Variants in ZNF618 observed in about 807,000 individuals in gnomAD.
The protein encoded by ZNF618 is zinc finger protein 618, also known as neural precursor cell expressed, developmentally down-regulated 10.
ZNF618 carries 34 observed loss-of-function variants against 103.0 expected under a neutral mutation model. The ratio of observed to expected loss-of-function variants is 0.33; its 90% CI spans 0.25 to 0.44. The LOEUF is 0.44. Ranked by LOEUF, ZNF618 falls within the 20% of genes least tolerant of loss-of-function variation. ZNF618 has a pLI of 1.00. For synonymous variants in ZNF618, 551 were observed against 542.2 expected (o/e 1.02, Z -0.23); for missense variants, 1,059 against 1,295.4 (o/e 0.82, Z 2.80).
chr9:113,914,745 G>T (rs1460572015), intron 1 of ZNF618, among the ~76,000 whole-genome samples: 1 of 152,180 alleles, frequency 6.6e-6, no homozygotes, highest in Non-Finnish European at 1.5e-5. Flanking sequence ...GGGGAAGGGA[G>T]GAGTGTTTAA....
At chr9:113,972,465 C>T (rs1434531271) in intron 2 of ZNF618, among the ~76,000 whole-genome samples, 1 of 152,048 alleles carries the variant, frequency 6.6e-6, no homozygotes, top group Non-Finnish European at 1.5e-5. Flanking sequence ...CCCAAGGCTG[C>T]CTAGGTGGAG....
intron 9 of ZNF618, among the ~76,000 whole-genome samples, chr9:114,009,789 G>A (rs747176366): frequency 3.9e-5 from 6 of 152,232 alleles, no homozygotes; most frequent in East Asian, 3.9e-4. Flanking sequence ...GGCAGAGCTC[G>A]ATCCCAGCTC....
intron 13 of ZNF618, among the ~76,000 whole-genome samples, chr9:114,038,681 A>G (rs554082007): frequency 1.3e-5 from 2 of 152,120 alleles, no homozygotes; most frequent in Non-Finnish European, 2.9e-5. Flanking sequence ...ATGCTTTGGC[A>G]GTAATAATAC....
chr9:113,997,060 C>CT (rs756563358), intron 3 of ZNF618, among the ~76,000 whole-genome samples: 1 of 132,546 alleles, frequency 7.5e-6, no homozygotes, highest in African/African-American at 2.6e-5. Context: ...CTCTCTCTTT[C>CT]TTTTTTTTTT....
chr9:113,970,188 A>G (rs1258998242), intron 2 of ZNF618, among the ~76,000 whole-genome samples: 3 of 152,098 alleles, frequency 2.0e-5, no homozygotes, highest in African/African-American at 7.2e-5. Context: ...AGAGAGAGAG[A>G]GAGAATCATG....
At chr9:113,910,618 T>C (rs16910488) in intron 1 of ZNF618, among the ~76,000 whole-genome samples, 4,539 of 152,276 alleles carry the variant, frequency 0.03, 215 homozygotes, top group African/African-American at 0.1. Flanking sequence ...ATTACATTTT[T>C]ACTTCAGTAA....
chr9:113,934,424 A>G (rs1419907404), intron 1 of ZNF618, among the ~76,000 whole-genome samples: 1 of 152,018 alleles, frequency 6.6e-6, no homozygotes, highest in Non-Finnish European at 1.5e-5. Context: ...AGTGTAGATG[A>G]CAATTACACG....
At chr9:113,984,346 A>C (rs1839257090) in intron 2 of ZNF618, among the ~76,000 whole-genome samples, 1 of 152,220 alleles carries the variant, frequency 6.6e-6, no homozygotes, top group South Asian at 2.1e-4. Context: ...AACCAATGTC[A>C]TCATCATGGC....
chr9:114,056,038 CG>C lies in ZNF618; in HGVS notation c.*5873del, dbSNP rs1846469369. 6.6e-6 allele frequency: 1 copy of C among 151,954 alleles called. No individual in the cohort carries two copies. Among genetic ancestry groups the C allele is most frequent in the African/African-American group, 2.4e-5 (1 of 41,256 alleles). The allele number at this position is 151,954 out of a possible 1,614,324, so 9.4% of individuals were successfully genotyped here. A position where few individuals can be genotyped will look rare whatever the true frequency, so the allele number is the denominator to read the frequency against. On this transcript the variant is annotated 3_prime_UTR_variant, in exon 15 of 15. Coordinates refer to ENST00000374126, the MANE Select transcript of ZNF618 (RefSeq NM_001318042.2). ...GTTAATTAACAAAAGATGTTGTGTG[CG>C]GTCTCCTGTATCGGTGTGGATCCAA...
At chr9:114,002,826 G>T (rs1020992551) in intron 6 of ZNF618, among the ~76,000 whole-genome samples, 164 bp downstream of exon 6, 4 of 152,236 alleles carry the variant, frequency 2.6e-5, no homozygotes, top group African/African-American at 4.8e-5. Context: ...AAACCGCAAT[G>T]CGGTACCTCA....
intron 1 of ZNF618, among the ~76,000 whole-genome samples, chr9:113,891,712 T>C (rs1325930950): frequency 6.6e-6 from 1 of 152,206 alleles, no homozygotes; most frequent in Non-Finnish European, 1.5e-5. Flanking sequence ...AACTGAAATG[T>C]CCATCTACAG....
At chr9:114,011,743 G>A (rs1471225862) in intron 9 of ZNF618, among the ~76,000 whole-genome samples, 2 of 152,228 alleles carry the variant, frequency 1.3e-5, no homozygotes, top group African/African-American at 4.8e-5. Context: ...TTTCACATCA[G>A]CATCAGCTGA....
At chr9:113,904,981 T>C (rs1052865605) in intron 1 of ZNF618, among the ~76,000 whole-genome samples, 3 of 152,194 alleles carry the variant, frequency 2.0e-5, no homozygotes, top group Admixed American at 1.3e-4. Context: ...TTCACAGTTC[T>C]GGGGATTAGG....
chr9:113,910,930 A>G (rs1588015178), intron 1 of ZNF618, among the ~76,000 whole-genome samples: 1 of 151,802 alleles, frequency 6.6e-6, no homozygotes, highest in South Asian at 2.1e-4. Context: ...TCCCAGGTCC[A>G]AGTGATTCTC....
intron 1 of ZNF618, among the ~76,000 whole-genome samples, chr9:113,878,973 G>C (rs1828228942): frequency 6.6e-6 from 1 of 151,578 alleles, no homozygotes; most frequent in East Asian, 1.9e-4. Flanking sequence ...CTTCAGGGCT[G>C]ACTGGTCACA....
At chr9:113,974,203 A>G (rs1035555374) in intron 2 of ZNF618, among the ~76,000 whole-genome samples, 1 of 152,236 alleles carries the variant, frequency 6.6e-6, no homozygotes, top group East Asian at 1.9e-4. Context: ...AGCCGGAGAC[A>G]GTGTTGCCTC....
intron 1 of ZNF618, among the ~76,000 whole-genome samples, chr9:113,885,132 G>C (rs555509243): frequency 6.6e-6 from 1 of 152,158 alleles, no homozygotes; most frequent in African/African-American, 2.4e-5. Context: ...TAGGCAGCTG[G>C]ATTGGATGGT....
intron 13 of ZNF618, among the ~76,000 whole-genome samples, chr9:114,037,870 G>C (rs1042592109): frequency 6.6e-6 from 1 of 152,164 alleles, no homozygotes; most frequent in African/African-American, 2.4e-5. Context: ...CAGAGCTCTG[G>C]AGTGGCAGCC....
chr9:114,009,693 T>C (rs1309782608), intron 9 of ZNF618, among the ~76,000 whole-genome samples: 1 of 152,032 alleles, frequency 6.6e-6, no homozygotes, highest in East Asian at 1.9e-4. Context: ...TGTAAAAATA[T>C]ACACAAAAAC....
Sources: gnomAD v4.1 joint callset for allele counts (sites outside exome capture counted in the v4.1 genomes callset) on GRCh38, gnomAD v4.1.1 for gene constraint, MANE v1.5 for transcripts, NCBI Gene and HGNC (gene_info 2026-07-23, HGNC 2026-07-21) for gene names.